Variants in GALNT2 observed in about 807,000 individuals in gnomAD.
GALNT2 encodes the protein UDP-GalNAc:polypeptide N-acetylgalactosaminyltransferase 2.
GALNT2 carries 31 observed loss-of-function variants against 81.4 expected under a neutral mutation model. The observed-to-expected ratio is 0.38, with a 90% CI of 0.29 to 0.51. The LOEUF (loss-of-function observed/expected upper bound fraction) is 0.51, where lower values mean the gene tolerates loss of function less well. GALNT2 is among the 20% of genes least tolerant of loss of function. GALNT2 has a pLI of 0.87. For synonymous variants in GALNT2, 303 were observed against 287.4 expected, an observed-to-expected ratio of 1.05 and a Z score of -0.55; for missense variants, 629 against 765.7, an observed-to-expected ratio of 0.82 and a Z score of 2.11.
chr1:230,089,876 G>C (rs979430421), intron 1 of GALNT2, among the ~76,000 whole-genome samples: 8 of 152,056 alleles, frequency 5.3e-5, no homozygotes, highest in African/African-American at 1.9e-4. Context: ...ATTTCCCTTC[G>C]AGACCCTGCT....
At chr1:230,141,465 C>T (rs1193105758) in intron 1 of GALNT2, among the ~76,000 whole-genome samples, 1 of 152,194 alleles carries the variant, frequency 6.6e-6, no homozygotes. Context: ...CTCCCCTCCC[C>T]CTGGCAACCA....
intron 1 of GALNT2, among the ~76,000 whole-genome samples, chr1:230,108,619 G>A (rs922803904): frequency 1.3e-5 from 2 of 152,212 alleles, no homozygotes; most frequent in Admixed American, 6.5e-5. Flanking sequence ...ATCTGAAGTC[G>A]AAAATGCATT....
intron 1 of GALNT2, 59 bp downstream of exon 1, chr1:230,067,465 T>A: frequency 2.0e-6 from 1 of 510,746 alleles, no homozygotes; most frequent in Non-Finnish European, 2.5e-6. Context: ...CCTGCGCCCC[T>A]GTCCCCTGCC....
intron 1 of GALNT2, among the ~76,000 whole-genome samples, chr1:230,165,329 T>A (rs1031819375): frequency 6.6e-6 from 1 of 152,250 alleles, no homozygotes; most frequent in African/African-American, 2.4e-5. Flanking sequence ...ATAATTTTAA[T>A]GGGCGCATAG....
chr1:230,147,626 G>A (rs190772215), intron 1 of GALNT2, among the ~76,000 whole-genome samples: 5 of 152,318 alleles, frequency 3.3e-5, no homozygotes, highest in Admixed American at 1.3e-4. Context: ...CCTACTCTTC[G>A]ATTCTGCGAA....
At chr1:230,078,463 C>T (rs758197560) in intron 1 of GALNT2, among the ~76,000 whole-genome samples, 7 of 152,212 alleles carry the variant, frequency 4.6e-5, no homozygotes, top group Non-Finnish European at 1.0e-4. Context: ...TTGTAAAAAG[C>T]AGCTCAAAGG....
chr1:230,213,505 CTTT>C (rs1664295306), intron 3 of GALNT2, among the ~76,000 whole-genome samples: 1 of 152,164 alleles, frequency 6.6e-6, no homozygotes, highest in Non-Finnish European at 1.5e-5. Context: ...CACTTTCAAA[CTTT>C]TTATGTCCTT....
At chr1:230,253,882 T>C (rs1207161719) in intron 10 of GALNT2, among the ~76,000 whole-genome samples, 2 of 152,318 alleles carry the variant, frequency 1.3e-5, no homozygotes, top group East Asian at 3.9e-4. Flanking sequence ...ATGAGATCAG[T>C]GTTTTTTAGC....
chr1:230,196,621 G>A (rs1025199498), intron 2 of GALNT2, among the ~76,000 whole-genome samples: 2 of 151,888 alleles, frequency 1.3e-5, no homozygotes, highest in Non-Finnish European at 2.9e-5. Flanking sequence ...CAGGAGATGG[G>A]AAGGTACAGC....
chr1:230,182,282 T>C (rs1203260843), intron 2 of GALNT2, among the ~76,000 whole-genome samples: 1 of 152,160 alleles, frequency 6.6e-6, no homozygotes, highest in Non-Finnish European at 1.5e-5. Context: ...TGGATTTAAC[T>C]TTCTCCTTTT....
rs1031867015 is a variant in GALNT2, at chr1:230,281,408, C to G, written c.*1950C>G. ...AGCCTGAGGAAAACCCCCTTAGGTA[C>G]CTGTGCGAGGCTGTGGAGTGCAGGC... On this transcript the variant is annotated 3_prime_UTR_variant, in exon 16 of 16. Transcript: ENST00000366672. 6.6e-6 allele frequency: 1 copy of G among 152,206 alleles called. No individual in the cohort carries two copies. Among genetic ancestry groups the G allele is most frequent in the African/African-American group, 2.4e-5 (1 of 41,404 alleles). 9.4% of individuals were successfully genotyped at this position (152,206 alleles called of 1,614,324 possible). A position where few individuals can be genotyped will look rare whatever the true frequency, so the allele number is the denominator to read the frequency against.
intron 1 of GALNT2, among the ~76,000 whole-genome samples, chr1:230,140,099 T>C (rs893020019): frequency 8.5e-5 from 13 of 152,208 alleles, no homozygotes; most frequent in African/African-American, 2.7e-4. Context: ...GAGTGCGCCC[T>C]CCCCCACGGG....
intron 1 of GALNT2, among the ~76,000 whole-genome samples, chr1:230,139,832 G>T (rs868339387): frequency 6.6e-6 from 1 of 152,210 alleles, no homozygotes; most frequent in African/African-American, 2.4e-5. Flanking sequence ...GAGTTGTTTT[G>T]CTTTGGGCTG....
chr1:230,088,867 C>T (rs1254424644), intron 1 of GALNT2, among the ~76,000 whole-genome samples: 1 of 152,064 alleles, frequency 6.6e-6, no homozygotes, highest in African/African-American at 2.4e-5. Flanking sequence ...CATTTTCATC[C>T]AAATGGAAAC....
intron 6 of GALNT2, 129 bp downstream of exon 6, chr1:230,236,854 G>T (rs113963978): frequency 1.2e-5 from 10 of 800,386 alleles, no homozygotes; most frequent in African/African-American, 1.7e-5. Context: ...TACCAGAGCC[G>T]CTTGGGAGAC....
chr1:230,250,438 C>A lies in GALNT2; in HGVS notation c.906-19C>A. 1 of 1,605,636 alleles carries A rather than the reference C, an allele frequency of 6.2e-7. No individual in the cohort carries two copies. The highest frequency in any genetic ancestry group is 8.5e-7 in the Non-Finnish European group (1 of 1,172,808). On this transcript the variant is annotated intron_variant, in intron 9 of 15. Coordinates refer to ENST00000366672, the MANE Select transcript of GALNT2 (RefSeq NM_004481.5). Reference sequence around the variant, plus strand: ...CTTTGCCCTCTCCTCCCTCCCCCCTCTTCTTTCTGCCTCTTTAGAACCCCC... The same window carrying A: ...CTTTGCCCTCTCCTCCCTCCCCCCTATTCTTTCTGCCTCTTTAGAACCCCC...
intron 1 of GALNT2, among the ~76,000 whole-genome samples, chr1:230,173,117 C>T (rs1455530629): frequency 6.6e-6 from 1 of 152,206 alleles, no homozygotes; most frequent in African/African-American, 2.4e-5. Context: ...TAATCACTAC[C>T]ATCTGGGGTA....
upstream of GALNT2, among the ~76,000 whole-genome samples, chr1:230,064,582 A>T (rs535262879): frequency 2.0e-5 from 3 of 152,142 alleles, no homozygotes; most frequent in African/African-American, 7.2e-5. Flanking sequence ...GTGCAATGGC[A>T]TGATCTCAGC....
At chr1:230,153,439 T>A (rs1662151991) in intron 1 of GALNT2, among the ~76,000 whole-genome samples, 1 of 152,206 alleles carries the variant, frequency 6.6e-6, no homozygotes, top group Non-Finnish European at 1.5e-5. Flanking sequence ...CTTTGCGTTT[T>A]TAGTTTTATT....
Sources: allele counts gnomAD v4.1 joint callset (sites outside exome capture counted in the v4.1 genomes callset), GRCh38; gene constraint gnomAD v4.1.1; transcripts MANE v1.5; gene names NCBI Gene and HGNC (gene_info 2026-07-23, HGNC 2026-07-21).